The following INTS4 variants were observed in gnomAD, a reference collection of about 807,000 sequenced individuals.
The protein encoded by INTS4 is MSTP093.
Under a neutral mutation model 119.5 loss-of-function variants are expected in INTS4, and 70 were observed. That is an observed-to-expected ratio of 0.59 (90% CI 0.48 to 0.71). INTS4 has a LOEUF of 0.71. Among genes scored for constraint, INTS4 ranks in the 30% least tolerant of loss-of-function variants. The pLI is 0.00. For missense variants in INTS4, 867 were observed against 1,173.2 expected (o/e 0.74, Z 3.81); for synonymous variants, 316 against 419.6 (o/e 0.75, Z 3.02).
intron 8 of INTS4, among the ~76,000 whole-genome samples, chr11:77,955,466 G>A (rs1489858736): frequency 6.6e-6 from 1 of 152,020 alleles, no homozygotes; most frequent in Non-Finnish European, 1.5e-5. Flanking sequence ...TTATTGGCTG[G>A]GTGTAGTGGC....
rs1288648638 is a variant in INTS4 at position 77,891,363 on chromosome 11, T to C, written c.2548A>G (p.Thr850Ala). The C allele has an allele frequency of 1.4e-5, 22 of 1,611,144 alleles. No homozygotes were observed. The highest frequency in any genetic ancestry group is 1.8e-5 in the Non-Finnish European group (21 of 1,178,888). The change falls in exon 21 of 23, where the codon ACC becomes GCC. Residue 850 changes from threonine to alanine, a missense_variant. Physicochemically the swap from Thr to Ala is moderately conservative, Grantham distance 58. This residue lies in a region of INTS4 where 262 missense variants were observed against 376.0 expected (regional missense o/e 0.70). Transcript: ENST00000534064. ...TGAGGATCCTGCACATGCTCCAGGG[T>C]TGCATCAACATCCAGGGCAACCACC... ...GLVVALDVDATLEHVQDPQNT... is the reference protein window; with the variant it reads ...GLVVALDVDAALEHVQDPQNT...
rs1261746280 is a variant in INTS4, at chr11:77,918,464, T to G, written c.1922+357A>C. ...AAGAGCAAGCCTAGATCCCTGATGG[T>G]CATCTCAGCCCTGTCCTGCCTATGA... On this transcript the variant is annotated intron_variant, in intron 15 of 22. Coordinates refer to ENST00000534064, the MANE Select transcript of INTS4 (RefSeq NM_033547.4). The G allele has an allele frequency of 5.6e-5, 15 of 269,420 alleles. No homozygotes were observed. In the South Asian group the frequency reaches 6.9e-4, roughly 12 times the overall value. The allele number at this position is 269,420 out of a possible 1,614,324, so 16.7% of individuals were successfully genotyped here. A position where few individuals can be genotyped will look rare whatever the true frequency, so the allele number is the denominator to read the frequency against.
chr11:77,920,986 A>T (rs1036066962), intron 14 of INTS4, among the ~76,000 whole-genome samples: 30 of 152,072 alleles, frequency 2.0e-4, no homozygotes, highest in African/African-American at 7.2e-4. Context: ...CACCAAAAAA[A>T]ATGAATCATC....
intron 17 of INTS4, 53 bp from the exon 18 acceptor site, chr11:77,901,604 G>A: frequency 7.3e-7 from 1 of 1,362,332 alleles, no homozygotes; most frequent in South Asian, 1.2e-5. Context: ...TCTTACTTGA[G>A]AGCAGCATAG....
At chr11:77,954,096 G>C (rs1247700848) in intron 8 of INTS4, among the ~76,000 whole-genome samples, 1 of 152,208 alleles carries the variant, frequency 6.6e-6, no homozygotes, top group Admixed American at 6.5e-5. Flanking sequence ...ATAGGCGTGA[G>C]CCACAAAAGT....
intron 2 of INTS4, among the ~76,000 whole-genome samples, chr11:77,984,549 G>T (rs1320689797): frequency 6.6e-6 from 1 of 151,526 alleles, no homozygotes; most frequent in African/African-American, 2.4e-5. Context: ...GGAGGTGGGG[G>T]TGATGGAGGA....
chr11:77,925,055 T>C (rs758293689), intron 11 of INTS4, among the ~76,000 whole-genome samples, 163 bp from the exon 12 acceptor site: 39 of 152,228 alleles, frequency 2.6e-4, no homozygotes, highest in Admixed American at 5.9e-4. Context: ...TTTCATTTTA[T>C]TGATAAAGGA....
intron 18 of INTS4, among the ~76,000 whole-genome samples, chr11:77,895,396 T>C (rs1952466401): frequency 6.6e-6 from 1 of 151,990 alleles, no homozygotes; most frequent in Non-Finnish European, 1.5e-5. Flanking sequence ...AGACTTTGTA[T>C]TCTTCATCAT....
chr11:77,891,741 GACC>G lies in INTS4; in HGVS notation c.2385_2387del (p.Val796del), dbSNP rs1254913169. On this transcript the variant is annotated inframe_deletion, in exon 20 of 23. Transcript: ENST00000534064. ...GTCGCAGCATGGTCTGTAGAATTTT[GACC>G]ACTTCTGCAGGTTTGGATGTCATGA... 1 of 1,611,832 alleles carries G rather than the reference GACC, an allele frequency of 6.2e-7. No individual in the cohort carries two copies. Among genetic ancestry groups the G allele is most frequent in the Non-Finnish European group, 8.5e-7 (1 of 1,179,846 alleles).
At chr11:77,971,696 A>G (rs888923950) in intron 4 of INTS4, among the ~76,000 whole-genome samples, 1 of 152,124 alleles carries the variant, frequency 6.6e-6, no homozygotes, top group African/African-American at 2.4e-5. Flanking sequence ...ATGATTTACA[A>G]ATATTTTTTC....
rs1210532440 is a variant in INTS4 at position 77,920,280 on chromosome 11, CAT to C, written c.1764+1058_1764+1059del. ...ATACATATATACACATATATATACA[CAT>C]ATATATATATACACACATATATATA... On this transcript the variant is annotated intron_variant, in intron 14 of 22. Coordinates refer to ENST00000534064, the MANE Select transcript of INTS4 (RefSeq NM_033547.4). 3.7e-3 allele frequency among the ~76,000 whole-genome samples: 166 copies of C among 44,966 alleles called. 1 individual carries two copies. Among genetic ancestry groups the C allele is most frequent in the Non-Finnish European group, 5.3e-3 (120 of 22,854 alleles). The allele number at this position is 44,966 out of a possible 152,430, so 29.5% of individuals were successfully genotyped here.
At chr11:77,918,060 G>C (rs1177630759) in intron 15 of INTS4, 1 of 672,944 alleles carries the variant, frequency 1.5e-6, no homozygotes, top group African/African-American at 2.2e-5. Context: ...TTTCCCCACA[G>C]GATGGAATAC....
chr11:77,898,096 A>T (rs577037832), intron 18 of INTS4, among the ~76,000 whole-genome samples: 1 of 152,264 alleles, frequency 6.6e-6, no homozygotes, highest in South Asian at 2.1e-4. Context: ...GATTACAGGC[A>T]TGAGCCACTG....
chr11:77,945,042 T>C (rs1031292083), intron 8 of INTS4, among the ~76,000 whole-genome samples: 4 of 152,180 alleles, frequency 2.6e-5, no homozygotes, highest in Admixed American at 2.0e-4. Flanking sequence ...AGATATATGC[T>C]GCAGAGCACC....
intron 8 of INTS4, among the ~76,000 whole-genome samples, chr11:77,941,798 G>A (rs1591085096): frequency 1.3e-5 from 2 of 152,070 alleles, no homozygotes; most frequent in African/African-American, 2.4e-5. Context: ...GAGTCACCAC[G>A]CCCGGCCACT....
intron 8 of INTS4, among the ~76,000 whole-genome samples, chr11:77,953,243 G>C (rs1319018062): frequency 6.6e-6 from 1 of 152,158 alleles, no homozygotes; most frequent in Non-Finnish European, 1.5e-5. Flanking sequence ...CAGGGCTGGG[G>C]GCACTCAAAG....
intron 12 of INTS4, chr11:77,922,712 ATCTT>A (rs1269687665): frequency 1.9e-6 from 1 of 515,578 alleles, no homozygotes; most frequent in African/African-American, 2.0e-5. Flanking sequence ...CATTTCCCCC[ATCTT>A]TCTTCCTGAG....
chr11:77,918,922 C>G lies in INTS4; in HGVS notation c.1821G>C (p.Glu607Asp). The G allele has an allele frequency of 1.9e-6, 3 of 1,613,958 alleles. No individual in the cohort carries two copies. Among genetic ancestry groups the G allele is most frequent in the South Asian group, 1.1e-5 (1 of 91,074 alleles). Residue 607 changes from glutamate (E) to aspartate (D), a missense_variant, in exon 15 of 23, where the codon GAG (glutamate) becomes GAC (aspartate). Physicochemically the swap from Glu to Asp is conservative, Grantham distance 45. Coordinates refer to ENST00000534064, the MANE Select transcript of INTS4 (RefSeq NM_033547.4). ...SAVSPSIIPQ[E>D]DPSQQFLQQS... ...GCTGCAGGAACTGCTGGGAAGGATCCTCTTGAGGTATGATGCTGGGAGAAA... is the reference window on the plus strand; with the variant it reads ...GCTGCAGGAACTGCTGGGAAGGATCGTCTTGAGGTATGATGCTGGGAGAAA...
chr11:77,894,332 C>T lies in INTS4; in HGVS notation c.2246G>A (p.Gly749Glu), dbSNP rs1012998996. 21 of 1,562,904 alleles carry T rather than the reference C, an allele frequency of 1.3e-5. No homozygotes were observed. In the African/African-American group the frequency reaches 2.9e-4, roughly 21 times the overall value. The change falls in exon 19 of 23, where the codon GGG (glycine) becomes GAG (glutamate). Residue 749 changes from glycine (G) to glutamate (E), a missense_variant. Physicochemically the swap from Gly to Glu is moderately conservative, Grantham distance 98. Coordinates refer to ENST00000534064, the MANE Select transcript of INTS4 (RefSeq NM_033547.4). Reference sequence around the variant, plus strand: ...TTCCTGTAAAAATTTTTCACACATCCCAAATAAGGGGTCAAGTCTGTAGAA... The same window carrying T: ...TTCCTGTAAAAATTTTTCACACATCTCAAATAAGGGGTCAAGTCTGTAGAA... ...RTTRGLDPLF[G>E]MCEKFLQEVD...
Sources: gnomAD v4.1 joint callset for allele counts (sites outside exome capture counted in the v4.1 genomes callset) on GRCh38, gnomAD v4.1.1 for gene constraint, gnomAD v4.1.1 regional missense constraint, MANE v1.5 for transcripts, NCBI Gene and HGNC (gene_info 2026-07-23, HGNC 2026-07-21) for gene names.